Variants in ASCC3 observed in about 807,000 individuals in gnomAD.
The protein encoded by ASCC3 is activating signal cointegrator 1 complex subunit 3.
Under a neutral mutation model 256.3 loss-of-function variants are expected in ASCC3, and 158 were observed. The ratio of observed to expected loss-of-function variants is 0.62; its 90% confidence interval spans 0.54 to 0.70. The LOEUF is 0.70. Ranked by LOEUF, ASCC3 falls within the 30% of genes least tolerant of loss-of-function variation. ASCC3 has a pLI of 0.00. For missense variants in ASCC3, 2,259 were observed against 2,626.0 expected, an observed-to-expected ratio of 0.86 and a Z score of 3.05; for synonymous variants, 948 against 883.4, an observed-to-expected ratio of 1.07 and a Z score of -1.30.
rs545875260 is a variant in ASCC3, at chr6:100,518,821, C to G, written c.5776-679G>C. 1.6e-4 allele frequency among the ~76,000 whole-genome samples: 24 copies of G among 152,250 alleles called. No homozygotes were observed. The South Asian group carries it at 5.0e-3, about 32-fold the overall frequency. On this transcript the variant is annotated intron_variant, in intron 37 of 41. Coordinates refer to ENST00000369162, the MANE Select transcript of ASCC3 (RefSeq NM_006828.4). ...AAAGGCGAAGTTTACACAGGCAAAG[C>G]TATTTCAATTAAATTAGATTCTGGA... is the stretch of plus-strand genomic sequence containing the variant.
At chr6:100,700,310 T>C (rs1449289125) in intron 13 of ASCC3, among the ~76,000 whole-genome samples, 4 of 152,182 alleles carry the variant, frequency 2.6e-5, no homozygotes, top group South Asian at 4.2e-4. Context: ...AAGTCAAGAA[T>C]TGAGGTTTGG....
intron 3 of ASCC3, among the ~76,000 whole-genome samples, chr6:100,855,310 T>C (rs1024348986): frequency 6.6e-6 from 1 of 151,968 alleles, no homozygotes; most frequent in Admixed American, 6.6e-5. Flanking sequence ...AGAGATGGGG[T>C]TTCACCATGT....
At chr6:100,872,533 G>A (rs566104090) in intron 1 of ASCC3, among the ~76,000 whole-genome samples, 37 of 151,604 alleles carry the variant, frequency 2.4e-4, no homozygotes, top group South Asian at 8.3e-4. Context: ...ACAGAGCACC[G>A]TGTGGAGTCT....
chr6:100,711,365 T>A (rs1414743305), intron 13 of ASCC3, among the ~76,000 whole-genome samples: 1 of 151,006 alleles, frequency 6.6e-6, no homozygotes, highest in Non-Finnish European at 1.5e-5. Flanking sequence ...TGTCCCACAG[T>A]AAAGTATTTA....
intron 4 of ASCC3, among the ~76,000 whole-genome samples, chr6:100,816,125 A>G (rs1770733286): frequency 1.3e-5 from 2 of 152,126 alleles, no homozygotes; most frequent in South Asian, 4.1e-4. Flanking sequence ...TTTCAAAACA[A>G]GATACACTGT....
intron 25 of ASCC3, among the ~76,000 whole-genome samples, chr6:100,634,573 G>A (rs1268298113): frequency 6.6e-6 from 1 of 152,006 alleles, no homozygotes; most frequent in Admixed American, 6.6e-5. Context: ...AATTAAAAAT[G>A]GGCAAAATAT....
At position 100,605,674 on chromosome 6, in the gene ASCC3, C is replaced by T; in HGVS notation, c.5071G>A (p.Gly1691Arg). Reference protein sequence around the residue: ...TDVLQMMGRAGRPQFDDQGKA... With the variant: ...TDVLQMMGRARRPQFDDQGKA... The stretch of plus-strand genomic sequence containing the variant: ...CCTTGGTCATCGAACTGCGGCCTCC[C>T]AGCACGCCCCATCATCTGGAGGACA... The change falls in exon 33 of 42, where the codon GGG becomes AGG. Residue 1691 changes from glycine to arginine, a missense_variant. Physicochemically the swap from Gly to Arg is moderately radical, Grantham distance 125 (BLOSUM62 -2). Around this residue, in one of 2 missense-constraint regions of ASCC3, gnomAD observed 1,839 missense variants for 2,206.7 expected, o/e 0.83. Coordinates refer to ENST00000369162, the MANE Select transcript of ASCC3 (RefSeq NM_006828.4). 1 of 1,613,412 alleles carries T rather than the reference C, an allele frequency of 6.2e-7. No individual in the cohort carries two copies. The highest frequency in any genetic ancestry group is 8.5e-7 in the Non-Finnish European group (1 of 1,179,576).
intron 10 of ASCC3, among the ~76,000 whole-genome samples, chr6:100,727,681 A>AC (rs11458205): frequency 0.43 from 56,193 of 131,398 alleles, 11,712 homozygotes; most frequent in Middle Eastern, 0.57. Flanking sequence ...AACAACAACA[A>AC]AAAAGGGTCT....
intron 36 of ASCC3, among the ~76,000 whole-genome samples, chr6:100,544,249 A>C (rs1209918391): frequency 6.6e-6 from 1 of 152,114 alleles, no homozygotes; most frequent in Admixed American, 6.5e-5. Flanking sequence ...TTTTGTGTCC[A>C]CCTTAAAAAA....
chr6:100,574,258 C>T (rs1047817288), intron 36 of ASCC3, among the ~76,000 whole-genome samples: 1 of 152,016 alleles, frequency 6.6e-6, no homozygotes, highest in African/African-American at 2.4e-5. Flanking sequence ...AGCTTTGGCA[C>T]AGAAGTTTAT....
At chr6:100,644,351 A>G (rs975912216) in intron 22 of ASCC3, among the ~76,000 whole-genome samples, 10 of 152,208 alleles carry the variant, frequency 6.6e-5, no homozygotes, top group African/African-American at 1.9e-4. Flanking sequence ...CCTCAAAAAG[A>G]AACCTTGTAC....
intron 14 of ASCC3, among the ~76,000 whole-genome samples, chr6:100,670,935 A>G (rs77560548): frequency 0.03 from 4,577 of 152,130 alleles, 79 homozygotes; most frequent in African/African-American, 0.055. Context: ...ATAGGATTCC[A>G]TATATGAATT....
At chr6:100,667,816 C>T (rs770715434) in intron 14 of ASCC3, among the ~76,000 whole-genome samples, 1 of 151,664 alleles carries the variant, frequency 6.6e-6, no homozygotes, top group Non-Finnish European at 1.5e-5. Flanking sequence ...TTGAAGTGAT[C>T]CATGGATAAA....
At chr6:100,580,301 G>A (rs538341836) in intron 36 of ASCC3, among the ~76,000 whole-genome samples, 2 of 151,924 alleles carry the variant, frequency 1.3e-5, no homozygotes, top group East Asian at 3.9e-4. Flanking sequence ...CTCAGTTCAA[G>A]ATTATAAATA....
chr6:100,819,777 G>T (rs1454931225), intron 4 of ASCC3, among the ~76,000 whole-genome samples: 1 of 152,050 alleles, frequency 6.6e-6, no homozygotes, highest in Non-Finnish European at 1.5e-5. Context: ...ACTGAGGGTG[G>T]GTCTACCTCT....
chr6:100,596,827 TG>T (rs1772327853), intron 34 of ASCC3, among the ~76,000 whole-genome samples: 1 of 152,172 alleles, frequency 6.6e-6, no homozygotes, highest in Non-Finnish European at 1.5e-5. Flanking sequence ...CAATGGTTCC[TG>T]TTTCATCCAG....
intron 13 of ASCC3, among the ~76,000 whole-genome samples, chr6:100,708,625 G>C (rs1284452277): frequency 6.6e-6 from 1 of 152,036 alleles, no homozygotes; most frequent in Non-Finnish European, 1.5e-5. Flanking sequence ...CTACTGGGTA[G>C]AGACCAGGGA....
At chr6:100,875,709 C>A (rs1429903420) in intron 1 of ASCC3, among the ~76,000 whole-genome samples, 1 of 147,790 alleles carries the variant, frequency 6.8e-6, no homozygotes, top group African/African-American at 2.6e-5. Context: ...AGTGATATGA[C>A]AACAGAAAAG....
intron 3 of ASCC3, among the ~76,000 whole-genome samples, chr6:100,850,303 T>C (rs1772603059): frequency 6.6e-6 from 1 of 152,122 alleles, no homozygotes. Flanking sequence ...TCTACCCCAC[T>C]CTATGCCTAT....
Sources: allele counts gnomAD v4.1 joint callset (sites outside exome capture counted in the v4.1 genomes callset), GRCh38; gene constraint gnomAD v4.1.1; regional missense constraint gnomAD v4.1.1; transcripts MANE v1.5; gene names NCBI Gene and HGNC (gene_info 2026-07-23, HGNC 2026-07-21).